The following GRK3 variants were observed in gnomAD, a reference collection of about 807,000 sequenced individuals.
GRK3 encodes adrenergic, beta, receptor kinase 2.
GRK3 carries 54 observed loss-of-function variants against 95.7 expected under a neutral mutation model. The ratio of observed to expected loss-of-function variants is 0.56; its 90% confidence interval spans 0.45 to 0.71. The LOEUF (loss-of-function observed/expected upper bound fraction) is 0.71, where lower values mean the gene tolerates loss of function less well. Among genes scored for constraint, GRK3 ranks in the 30% least tolerant of loss-of-function variants. GRK3 has a pLI of 0.00. For synonymous variants in GRK3, 281 were observed against 290.8 expected (o/e 0.97, Z 0.34); for missense variants, 649 against 851.2 (o/e 0.76, Z 2.96).
intron 13 of GRK3, among the ~76,000 whole-genome samples, chr22:25,696,127 G>A (rs559043280): frequency 3.8e-4 from 57 of 151,882 alleles, no homozygotes; most frequent in African/African-American, 1.3e-3. Context: ...GAGCCACCGC[G>A]TCCGGCCTAC....
chr22:25,707,861 C>T (rs1030672348), intron 15 of GRK3, among the ~76,000 whole-genome samples: 1 of 152,022 alleles, frequency 6.6e-6, no homozygotes, highest in African/African-American at 2.4e-5. Flanking sequence ...CAAGAGGTAC[C>T]AGGACCCTGG....
At chr22:25,591,681 T>G (rs575112245) in intron 1 of GRK3, among the ~76,000 whole-genome samples, 2 of 152,304 alleles carry the variant, frequency 1.3e-5, no homozygotes, top group South Asian at 4.2e-4. Context: ...CTAAATATAT[T>G]TTTTATTATA....
chr22:25,599,514 C>A (rs1429395583), intron 1 of GRK3, among the ~76,000 whole-genome samples: 2 of 151,082 alleles, frequency 1.3e-5, no homozygotes, highest in Non-Finnish European at 2.9e-5. Context: ...ATGATGTGAA[C>A]CCGGGAGGCG....
chr22:25,695,232 C>T lies in GRK3; in HGVS notation c.1160+18C>T, dbSNP rs375185295. On this transcript the variant is annotated intron_variant, in intron 13 of 20. Coordinates refer to ENST00000324198, the MANE Select transcript of GRK3 (RefSeq NM_005160.4). ...CTGAGAGGGTGAGTTGAAATGCATC[C>T]TTCTAGTGCTGTCCTCATGGCAGCA... 36 of 1,565,304 alleles carry T rather than the reference C, an allele frequency of 2.3e-5. No individual in the cohort carries two copies. The highest frequency in any genetic ancestry group is 2.9e-5 in the Non-Finnish European group (33 of 1,135,908).
Position 25,704,224 on chromosome 22 carries a change from CT to C in GRK3, c.1328+16del. 3 of 1,601,706 alleles carry C rather than the reference CT, an allele frequency of 1.9e-6. No individual in the cohort carries two copies. Among genetic ancestry groups the C allele is most frequent in the Non-Finnish European group, 2.6e-6 (3 of 1,170,662 alleles). On this transcript the variant is annotated intron_variant, in intron 15 of 20. Transcript: ENST00000324198. ...CACGGAGGCGGGTAGGCCATTGTTC[CT>C]GCCTTTCGGTATCTTTACCAGAAGA... is the stretch of plus-strand genomic sequence containing the variant.
At chr22:25,576,211 C>A (rs1197185148) in intron 1 of GRK3, among the ~76,000 whole-genome samples, 1 of 151,822 alleles carries the variant, frequency 6.6e-6, no homozygotes, top group Non-Finnish European at 1.5e-5. Context: ...TTGTGGGAAG[C>A]AAAACGACCA....
At chr22:25,691,111 T>C (rs2085161758) in intron 12 of GRK3, among the ~76,000 whole-genome samples, 1 of 152,228 alleles carries the variant, frequency 6.6e-6, no homozygotes, top group Non-Finnish European at 1.5e-5. Flanking sequence ...GAACGTGCAC[T>C]GGTTTTCATT....
At chr22:25,684,755 C>T (rs1432039130) in intron 9 of GRK3, among the ~76,000 whole-genome samples, 1 of 152,134 alleles carries the variant, frequency 6.6e-6, no homozygotes, top group Non-Finnish European at 1.5e-5. Context: ...GTCATCTGCT[C>T]CAATTATTAA....
At position 25,619,482 on chromosome 22, in the gene GRK3, T is replaced by A. The variant is rs112697832; in HGVS notation, c.190+15029T>A. 8.6e-3 allele frequency among the ~76,000 whole-genome samples: 1,297 copies of A among 151,242 alleles called. 8 individuals are homozygous for A. The highest frequency in any genetic ancestry group is 0.015 in the Admixed American group (233 of 15,166). ...CCACTATACTAAGCTGAGTAAGGAG[T>A]TTTTGTTGTCGTTGTTTTCGATAAA... is the stretch of plus-strand genomic sequence containing the variant. On this transcript the variant is annotated intron_variant, in intron 2 of 20. Coordinates refer to ENST00000324198, the MANE Select transcript of GRK3 (RefSeq NM_005160.4).
chr22:25,586,149 T>C (rs1192627497), intron 1 of GRK3, among the ~76,000 whole-genome samples: 1 of 152,260 alleles, frequency 6.6e-6, no homozygotes, highest in East Asian at 1.9e-4. Context: ...TTGTGGACAT[T>C]TCACAGTGAC....
rs139521602 is a variant in GRK3, at chr22:25,675,138, C to T, written c.647+610C>T. Among the ~76,000 whole-genome samples, 11 of 152,252 alleles carry T rather than the reference C, an allele frequency of 7.2e-5. 1 individual carries two copies. The highest frequency in any genetic ancestry group is 3.9e-4 in the East Asian group (2 of 5,182). ...GATCCTTGACAACTGTGGCATGTTA[C>T]GTTCAGCCTCCCCATCAGATCACAT... On this transcript the variant is annotated intron_variant, in intron 8 of 20. Transcript: ENST00000324198.
rs3966191 is a variant in GRK3 at position 25,620,014 on chromosome 22, G to T, written c.190+15561G>T. ...CCTTTCCTTTGTCTTTTTTGTGTGT[G>T]TGTGTGTGTGTGTGTGTGTGTGTGT... On this transcript the variant is annotated intron_variant, in intron 2 of 20. Transcript: ENST00000324198. Among the ~76,000 whole-genome samples the T allele has an allele frequency of 9.4e-3, 1,183 of 125,740 alleles. 17 individuals are homozygous for T. Among genetic ancestry groups the T allele is most frequent in the Non-Finnish European group, 0.013 (783 of 60,738 alleles). 82.5% of individuals were successfully genotyped at this position (125,740 alleles called of 152,430 possible).
At chr22:25,672,438 C>T in intron 7 of GRK3, 91 bp downstream of exon 7, 1 of 711,020 alleles carries the variant, frequency 1.4e-6, no homozygotes, top group Non-Finnish European at 2.4e-6. Flanking sequence ...GGAACGTACT[C>T]CCAGAGGGTC....
intron 1 of GRK3, among the ~76,000 whole-genome samples, chr22:25,600,372 T>G (rs765836741): frequency 5.9e-5 from 9 of 152,170 alleles, no homozygotes; most frequent in Non-Finnish European, 1.2e-4. Context: ...ACGTCTGACC[T>G]CAGGTGATCC....
chr22:25,718,440 A>G, intron 19 of GRK3, 59 bp downstream of exon 19: 2 of 1,568,360 alleles, frequency 1.3e-6, no homozygotes, highest in Non-Finnish European at 1.7e-6. Flanking sequence ...GCATATGGTT[A>G]TTTCATGTTG....
chr22:25,699,722 G>A (rs112606405), intron 13 of GRK3, among the ~76,000 whole-genome samples: 3,470 of 137,702 alleles, frequency 0.025, 52 homozygotes, highest in African/African-American at 0.04. Context: ...TTTTTGAGAC[G>A]AAGTCTCGCT....
At chr22:25,648,435 C>A in intron 3 of GRK3, 3 of 1,280,322 alleles carry the variant, frequency 2.3e-6, no homozygotes, top group Non-Finnish European at 3.4e-6. Flanking sequence ...ATAATCTTTG[C>A]GACTAGAGGT....
chr22:25,703,106 G>A (rs921066555), intron 13 of GRK3: 2 of 296,022 alleles, frequency 6.8e-6, no homozygotes, highest in Non-Finnish European at 1.3e-5. Context: ...GGCTGTTTGA[G>A]GGACCAATAT....
Position 25,576,699 on chromosome 22 carries a change from G to C in GRK3, c.113+11546G>C, listed in dbSNP as rs554199021. ...CAGGTTTTCTGATTCCAAATTCAGC[G>C]TATTTTCAGAAAAACCTTCAGACTG... On this transcript the variant is annotated intron_variant, in intron 1 of 20. Coordinates refer to ENST00000324198, the MANE Select transcript of GRK3 (RefSeq NM_005160.4). 2.0e-5 allele frequency among the ~76,000 whole-genome samples: 3 copies of C among 152,254 alleles called. No homozygotes were observed. The East Asian group carries it at 5.8e-4, about 29-fold the overall frequency.
Sources: gnomAD v4.1 joint callset for allele counts (sites outside exome capture counted in the v4.1 genomes callset) on GRCh38, gnomAD v4.1.1 for gene constraint, MANE v1.5 for transcripts, NCBI Gene and HGNC (gene_info 2026-07-23, HGNC 2026-07-21) for gene names.